The following FN1 variants were observed in gnomAD, a reference collection of about 807,000 sequenced individuals.
FN1 encodes the protein fibronectin.
In FN1, 106 loss-of-function variants were observed where a neutral mutation model predicts 297.3. That is an observed-to-expected ratio of 0.36 (90% confidence interval 0.30 to 0.42). FN1 has a LOEUF of 0.42. FN1 is among the 10% of genes least tolerant of loss of function. The pLI, the probability that FN1 is intolerant of heterozygous loss-of-function variation, is 1.00. For synonymous variants in FN1, 1,149 were observed against 1,152.6 expected (o/e 1.00, Z 0.06); for missense variants, 2,690 against 3,124.9 (o/e 0.86, Z 3.32).
At chr2:215,391,441 AT>A (rs2059694730) in intron 26 of FN1, among the ~76,000 whole-genome samples, 190 bp downstream of exon 26, 1 of 152,246 alleles carries the variant, frequency 6.6e-6, no homozygotes, top group Admixed American at 6.5e-5. Flanking sequence ...AGCTGTAGAT[AT>A]CAAAAGTATA....
intron 20 of FN1, among the ~76,000 whole-genome samples, chr2:215,403,757 G>C (rs1215562190): frequency 1.3e-5 from 2 of 152,126 alleles, no homozygotes; most frequent in Non-Finnish European, 1.5e-5. Context: ...CTCCTCTGAG[G>C]AATTTCAAGA....
intron 33 of FN1, chr2:215,380,007 T>G (rs1003725688): frequency 6.6e-6 from 1 of 152,592 alleles, no homozygotes; most frequent in Non-Finnish European, 1.5e-5. Flanking sequence ...CCTTTTTCTA[T>G]TCTACATAAA....
chr2:215,423,486 C>G lies in FN1; in HGVS notation c.1257G>C (p.Leu419Phe), dbSNP rs771148545. Residue 419 changes from leucine to phenylalanine, a missense_variant, in exon 9 of 46, where the codon TTG (leucine) becomes TTC (phenylalanine). Leu to Phe is a conservative substitution (Grantham distance 22). This residue lies in a region of FN1 where 876 missense variants were observed against 1,058.1 expected (regional missense o/e 0.83). Transcript: ENST00000354785. Reference protein sequence around the residue: ...QTRGGNSNGALCHFPFLYNNH... With the variant: ...QTRGGNSNGAFCHFPFLYNNH... ...TGTTGTATAGGAAGGGGAAGTGGCA[C>G]AAGGCACCATTGGAATTTCCTCCTC... 1.9e-6 allele frequency: 3 copies of G among 1,614,180 alleles called. No individual in the cohort carries two copies. The highest frequency in any genetic ancestry group is 2.2e-5 in the South Asian group (2 of 91,086).
chr2:215,397,713 T>C lies in FN1; in HGVS notation c.3484A>G (p.Arg1162Gly). The change falls in exon 22 of 46, where the codon AGA becomes GGA. Residue 1162 changes from arginine to glycine, a missense_variant. Physicochemically the swap from Arg to Gly is moderately radical, Grantham distance 125. Transcript: ENST00000354785. ...TIQVLRDGQERDAPIVNKVVT... is the reference protein window; with the variant it reads ...TIQVLRDGQEGDAPIVNKVVT... ...ACTTTGTTTACAATTGGCGCATCTC[T>C]TTCCTGTCCATCTCTCAGGACTTGG... The C allele has an allele frequency of 6.2e-7, 1 of 1,614,174 alleles. No individual in the cohort carries two copies. The highest frequency in any genetic ancestry group is 8.5e-7 in the Non-Finnish European group (1 of 1,179,986).
intron 19 of FN1, 58 bp downstream of exon 19, chr2:215,406,180 C>A: frequency 6.4e-7 from 1 of 1,566,230 alleles, no homozygotes; most frequent in Non-Finnish European, 8.8e-7. Context: ...CACTTTCTCA[C>A]AGGCTGCAAG....
chr2:215,435,089 T>C (rs989150502), intron 1 of FN1, among the ~76,000 whole-genome samples: 1 of 152,204 alleles, frequency 6.6e-6, no homozygotes, highest in Non-Finnish European at 1.5e-5. Context: ...AGGACAACTT[T>C]AAGCAGCTTT....
At chr2:215,396,254 T>C (rs1198521210) in intron 23 of FN1, among the ~76,000 whole-genome samples, 1 of 152,236 alleles carries the variant, frequency 6.6e-6, no homozygotes, top group African/African-American at 2.4e-5. Context: ...TCAACATTAA[T>C]TGGAACTTTT....
rs1399904756 is a variant in FN1 at position 215,392,921 on chromosome 2, C to G, written c.4069+10G>C. ...TCTATGTCTCAAACGCAGAAGTTTT[C>G]AAAATTCACCCGTTTGTTGTGTCAG... On this transcript the variant is annotated intron_variant, in intron 25 of 45. Transcript: ENST00000354785. 1.2e-6 allele frequency: 2 copies of G among 1,612,264 alleles called. No individual in the cohort carries two copies. Among genetic ancestry groups the G allele is most frequent in the South Asian group, 2.2e-5 (2 of 90,984 alleles).
Position 215,364,909 on chromosome 2 carries a change from A to G in FN1, c.7221T>C (p.Ile2407=). 1.9e-6 allele frequency: 3 copies of G among 1,568,998 alleles called. No individual in the cohort carries two copies. The highest frequency in any genetic ancestry group is 2.6e-6 in the Non-Finnish European group (3 of 1,155,936). ...GGCCTCCAAAGCATGTGCAGGAGCA[A>G]ATGGCACCGAGATATTCCTTCTGCC... is the stretch of plus-strand genomic sequence containing the variant. ...EQWQKEYLGA[I]CSCTCFGGQR... The change falls in exon 44 of 46, where the codon ATT becomes ATC. Residue 2407 remains isoleucine, a synonymous_variant. Transcript: ENST00000354785.
chr2:215,402,363 C>T (rs1362424924), intron 20 of FN1, among the ~76,000 whole-genome samples: 2 of 152,096 alleles, frequency 1.3e-5, no homozygotes, highest in Admixed American at 6.6e-5. Context: ...GAAGAACAGC[C>T]CAGCTGTTAA....
At chr2:215,379,741 G>A (rs1370561) in intron 33 of FN1, 78,249 of 225,776 alleles carry the variant, frequency 0.35, 15,814 homozygotes, top group South Asian at 0.51. Flanking sequence ...TCATCCAGGC[G>A]GCAGTGCAGT....
chr2:215,398,695 A>G (rs566397498), intron 21 of FN1, among the ~76,000 whole-genome samples: 3 of 152,358 alleles, frequency 2.0e-5, no homozygotes, highest in Admixed American at 2.0e-4. Flanking sequence ...GAATTCTTTT[A>G]AACATATTCA....
intron 19 of FN1, among the ~76,000 whole-genome samples, chr2:215,405,359 G>T (rs2061641309): frequency 6.6e-6 from 1 of 152,288 alleles, no homozygotes; most frequent in East Asian, 1.9e-4. Context: ...AGGTTATAGA[G>T]CCAGCTCTAT....
Position 215,391,984 on chromosome 2 carries a change from T to C in FN1, c.4070-170A>G, listed in dbSNP as rs10804242. 0.62 allele frequency: 401,268 copies of C among 648,430 alleles called. 127,388 individuals carry two copies. Among genetic ancestry groups the C allele is most frequent in the East Asian group, 0.88 (31,891 of 36,352 alleles). The allele number at this position is 648,430 out of a possible 1,614,324, so 40.2% of individuals were successfully genotyped here. On this transcript the variant is annotated intron_variant, in intron 25 of 45. Transcript: ENST00000354785. Reference sequence around the variant, plus strand: ...AGTTATAGTGTACTACTGTTAAAAATAAAACACTACACACAGTACTGTTAG... The same window carrying C: ...AGTTATAGTGTACTACTGTTAAAAACAAAACACTACACACAGTACTGTTAG...
Position 215,408,143 on chromosome 2 carries a change from A to G in FN1, c.2483T>C (p.Val828Ala). Residue 828 changes from valine to alanine, a missense_variant, in exon 17 of 46, where the codon GTT becomes GCT. By Grantham distance (64) the Val-to-Ala change is moderately conservative. Around this residue, in one of 3 missense-constraint regions of FN1, gnomAD observed 876 missense variants for 1,058.1 expected, o/e 0.83. Transcript: ENST00000354785. ...TVDQVDDTSI[V>A]VRWSRPQAPI... ...AGCCTGGGGTCTGCTCCAGCGAACA[A>G]CAATTGAGGTGTCATCAACTTGGTC... 2 of 1,614,142 alleles carry G rather than the reference A, an allele frequency of 1.2e-6. No individual in the cohort carries two copies.
At chr2:215,428,374 C>A (rs763533611) in intron 5 of FN1, 36 bp from the exon 6 acceptor site, 3 of 1,604,706 alleles carry the variant, frequency 1.9e-6, no homozygotes, top group Non-Finnish European at 2.6e-6. Context: ...TACATCAGGT[C>A]GAGAGTCGCA....
At chr2:215,380,782 G>C in intron 33 of FN1, 29 bp downstream of exon 33, 1 of 1,610,858 alleles carries the variant, frequency 6.2e-7, no homozygotes, top group Non-Finnish European at 8.5e-7. Context: ...TGCTCCCATG[G>C]GCACCTGGTG....
At chr2:215,385,873 G>T (rs940963720) in intron 28 of FN1, among the ~76,000 whole-genome samples, 3 of 150,120 alleles carry the variant, frequency 2.0e-5, no homozygotes, top group Non-Finnish European at 4.4e-5. Context: ...CGCCTCCTGG[G>T]TTCAAGCAAT....
Position 215,375,392 on chromosome 2 carries a change from G to A in FN1, c.5979C>T (p.Ala1993=). The change falls in exon 38 of 46, where the codon GCC becomes GCT. Residue 1993 remains alanine (A), a splice_region_variant and synonymous_variant. Transcript: ENST00000354785. ...SSPVVIDAST[A]IDAPSNLRFL... ...AACGCAGGTTGGATGGTGCATCAAT[G>A]GCTGAAAGAAAACAAAATTAAGTCT... 6.3e-7 allele frequency: 1 copy of A among 1,599,720 alleles called. No homozygotes were observed.
Sources: allele counts gnomAD v4.1 joint callset (sites outside exome capture counted in the v4.1 genomes callset), GRCh38; gene constraint gnomAD v4.1.1; regional missense constraint gnomAD v4.1.1; transcripts MANE v1.5; gene names NCBI Gene and HGNC (gene_info 2026-07-23, HGNC 2026-07-21).